OR8K1: variants seen among roughly 807,000 people sequenced by gnomAD.
OR8K1 encodes the protein olfactory receptor 8K1.
For missense variants in OR8K1, 417 were observed against 374.0 expected, an observed-to-expected ratio of 1.11 and a Z score of -0.95; for synonymous variants, 157 against 139.4, an observed-to-expected ratio of 1.13 and a Z score of -0.89.
In OR8K1 at chr11:56,346,195, A is replaced by G. The variant is rs377001778; in HGVS notation, c.157A>G (p.Ile53Val). The G allele has an allele frequency of 6.2e-7, 1 of 1,614,032 alleles. No homozygotes were observed. Among genetic ancestry groups the G allele is most frequent in the Non-Finnish European group, 8.5e-7 (1 of 1,179,972 alleles). The change falls in exon 1 of 1, where the codon ATC (isoleucine) becomes GTC (valine). Residue 53 changes from isoleucine to valine, a missense_variant. Physicochemically the swap from Ile to Val is conservative, Grantham distance 29. Transcript: ENST00000279783. Reference sequence around the variant, plus strand: ...AGTGATAGGCAATCTGGGCATGGTTATCTTGACCTACTTGGACTCCAAGCT... The same window carrying G: ...AGTGATAGGCAATCTGGGCATGGTTGTCTTGACCTACTTGGACTCCAAGCT... ...VTVIGNLGMV[I>V]LTYLDSKLHT...
chr11:56,346,175 T>A lies in OR8K1; in HGVS notation c.137T>A (p.Ile46Lys). The part of the protein sequence containing the change: ...LFLIIYLVTV[I>K]GNLGMVILTY... ...CTCATCATATATCTGGTCACAGTGA[T>A]AGGCAATCTGGGCATGGTTATCTTG... The change falls in exon 1 of 1, where the codon ATA (isoleucine) becomes AAA (lysine). Residue 46 changes from isoleucine (I) to lysine (K), a missense_variant. Ile to Lys is a moderately radical substitution (Grantham distance 102, BLOSUM62 -3). Transcript: ENST00000279783. The A allele has an allele frequency of 6.2e-7, 1 of 1,614,130 alleles. No homozygotes were observed. Among genetic ancestry groups the A allele is most frequent in the Non-Finnish European group, 8.5e-7 (1 of 1,180,012 alleles).
rs781092992 is a variant in OR8K1 at position 56,346,643 on chromosome 11, A to T, written c.605A>T (p.Glu202Val). Residue 202 changes from glutamate to valine, a missense_variant, in exon 1 of 1, where the codon GAA becomes GTA. Glu to Val is a moderately radical substitution (Grantham distance 121). Transcript: ENST00000279783. Reference sequence around the variant, plus strand: ...CTCTGTTCTGACACAAATGAATTAGAATTAATAATTTTGATCTTCTCAGGC... The same window carrying T: ...CTCTGTTCTGACACAAATGAATTAGTATTAATAATTTTGATCTTCTCAGGC... Reference protein sequence around the residue: ...SILCSDTNELELIILIFSGCN... With the variant: ...SILCSDTNELVLIILIFSGCN... 6 of 1,613,848 alleles carry T rather than the reference A, an allele frequency of 3.7e-6. No homozygotes were observed. The East Asian group carries it at 1.3e-4, about 36-fold the overall frequency.
chr11:56,346,765 GC>G lies in OR8K1; in HGVS notation c.729del (p.Phe244SerfsTer8), dbSNP rs1854841936. On this transcript the variant is annotated frameshift_variant, in exon 1 of 1. Coordinates refer to ENST00000279783, the MANE Select transcript of OR8K1 (RefSeq NM_001002907.1). LOFTEE classifies it low-confidence loss of function (END_TRUNC). Reference protein sequence around the residue: ...RMNSRKGRYKAFSTCSSHLTV... With the variant: ...RMNSRKGRYKXFSTCSSHLTV... ...GAACTCAAGGAAAGGGAGGTACAAA[GC>G]CTTCTCCACCTGTAGCTCTCATCTG... is the stretch of plus-strand genomic sequence containing the variant. 6.2e-7 allele frequency: 1 copy of G among 1,613,884 alleles called. No individual in the cohort carries two copies.
At position 56,346,165 on chromosome 11, in the gene OR8K1, G is replaced by T. The variant is rs748743069; in HGVS notation, c.127G>T (p.Val43Phe). The T allele has an allele frequency of 1.5e-5, 24 of 1,614,034 alleles. No homozygotes were observed. In the South Asian group the frequency reaches 2.6e-4, roughly 18 times the overall value. Residue 43 changes from valine (V) to phenylalanine (F), a missense_variant, in exon 1 of 1, where the codon GTC becomes TTC. Val to Phe is a conservative substitution (Grantham distance 50). Transcript: ENST00000279783. ...TGGACTCTTCCTCATCATATATCTG[G>T]TCACAGTGATAGGCAATCTGGGCAT... ...LFGLFLIIYL[V>F]TVIGNLGMVI...
At position 56,346,135 on chromosome 11, in the gene OR8K1, C is replaced by T. The variant is rs2134898261; in HGVS notation, c.97C>T (p.Leu33=). ...ITDNPGLQAP[L]FGLFLIIYLV... ...AGACAACCCTGGGCTGCAGGCTCCACTGTTTGGACTCTTCCTCATCATATA... is the reference window on the plus strand; with the variant it reads ...AGACAACCCTGGGCTGCAGGCTCCATTGTTTGGACTCTTCCTCATCATATA... The change falls in exon 1 of 1, where the codon CTG becomes TTG. Residue 33 remains leucine, a synonymous_variant. Transcript: ENST00000279783. 3 of 1,613,948 alleles carry T rather than the reference C, an allele frequency of 1.9e-6. No homozygotes were observed. The highest frequency in any genetic ancestry group is 2.5e-6 in the Non-Finnish European group (3 of 1,179,890).
chr11:56,346,386 T>C lies in OR8K1; in HGVS notation c.348T>C (p.Ser116=), dbSNP rs746377909. Residue 116 remains serine (S), a synonymous_variant, in exon 1 of 1, where the codon TCT becomes TCC. Coordinates refer to ENST00000279783, the MANE Select transcript of OR8K1 (RefSeq NM_001002907.1). ...QLAFFEIFII[S]ELFILSAMAY... is the part of the protein sequence containing the mutation. ...CATTCTTTGAGATTTTCATCATCTC[T>C]GAGCTCTTTATTCTATCAGCAATGG... 2 of 1,614,184 alleles carry C rather than the reference T, an allele frequency of 1.2e-6. No individual in the cohort carries two copies. Among genetic ancestry groups the C allele is most frequent in the Non-Finnish European group, 1.7e-6 (2 of 1,180,032 alleles).
Position 56,346,045 on chromosome 11 carries a change from CAT to C in OR8K1, c.8_9del (p.His3ArgfsTer14), listed in dbSNP as rs1565116491. 6.3e-7 allele frequency: 1 copy of C among 1,586,988 alleles called. No homozygotes were observed. Among genetic ancestry groups the C allele is most frequent in the Admixed American group, 1.8e-5 (1 of 56,480 alleles). ...AGTTTGCACAGTTACCAAGATGAAT[CAT>C]GTGGTAAAACACAATCACACGGCAG... MN[H>X]VVKHNHTAVT... On this transcript the variant is annotated frameshift_variant, in exon 1 of 1. Transcript: ENST00000279783. LOFTEE classifies it low-confidence loss of function (END_TRUNC).
At position 56,346,524 on chromosome 11, in the gene OR8K1, A is replaced by G; in HGVS notation, c.486A>G (p.Ser162=). 6.2e-7 allele frequency: 1 copy of G among 1,614,078 alleles called. No homozygotes were observed. The highest frequency in any genetic ancestry group is 8.5e-7 in the Non-Finnish European group (1 of 1,180,016). The change falls in exon 1 of 1, where the codon TCA becomes TCG. Residue 162 remains serine, a synonymous_variant. Coordinates refer to ENST00000279783, the MANE Select transcript of OR8K1 (RefSeq NM_001002907.1). ...CCTATCTCTATAGCACGTTTGTGTC[A>G]CTATTTCTCACAATTAAGTTATTTA... ...IVPYLYSTFV[S]LFLTIKLFKL... is the part of the protein sequence containing the mutation.
chr11:56,346,310 T>A lies in OR8K1; in HGVS notation c.272T>A (p.Phe91Tyr). ...ATTGCCCCGAAGATGTTAGTAAACT[T>A]CATAGTGCACAAAAACACAATTTCT... The part of the protein sequence containing the change: ...TVIAPKMLVN[F>Y]IVHKNTISYN... The change falls in exon 1 of 1, where the codon TTC becomes TAC. Residue 91 changes from phenylalanine (F) to tyrosine (Y), a missense_variant. Phe to Tyr is a conservative substitution (Grantham distance 22). Transcript: ENST00000279783. The A allele has an allele frequency of 6.2e-7, 1 of 1,614,150 alleles. No homozygotes were observed. The highest frequency in any genetic ancestry group is 8.5e-7 in the Non-Finnish European group (1 of 1,180,012).
chr11:56,346,782 C>G lies in OR8K1; in HGVS notation c.744C>G (p.Ser248Arg). 6.2e-7 allele frequency: 1 copy of G among 1,613,902 alleles called. No homozygotes were observed. Among genetic ancestry groups the G allele is most frequent in the Non-Finnish European group, 8.5e-7 (1 of 1,179,830 alleles). Residue 248 changes from serine (S) to arginine (R), a missense_variant, in exon 1 of 1, where the codon AGC becomes AGG. Coordinates refer to ENST00000279783, the MANE Select transcript of OR8K1 (RefSeq NM_001002907.1). ...GGTACAAAGCCTTCTCCACCTGTAG[C>G]TCTCATCTGACAGTGGTGATCATGT... ...KGRYKAFSTC[S>R]SHLTVVIMFY...
Position 56,346,581 on chromosome 11 carries a change from C to G in OR8K1, c.543C>G (p.Ser181Arg), listed in dbSNP as rs748269286. The G allele has an allele frequency of 6.2e-7, 1 of 1,613,302 alleles. No individual in the cohort carries two copies. Among genetic ancestry groups the G allele is most frequent in the Non-Finnish European group, 8.5e-7 (1 of 1,179,338 alleles). ...CCTTCTGTGGCTCAAACATAATCAG[C>G]TATTTTTACTGTGACTGTATCCCTC... ...KLSFCGSNII[S>R]YFYCDCIPLM... Residue 181 changes from serine (S) to arginine (R), a missense_variant, in exon 1 of 1, where the codon AGC (serine) becomes AGG (arginine). Ser to Arg is a moderately radical substitution (Grantham distance 110, BLOSUM62 -1). Coordinates refer to ENST00000279783, the MANE Select transcript of OR8K1 (RefSeq NM_001002907.1).
Position 56,346,528 on chromosome 11 carries a change from T to C in OR8K1, c.490T>C (p.Phe164Leu). Reference sequence around the variant, plus strand: ...TCTCTATAGCACGTTTGTGTCACTATTTCTCACAATTAAGTTATTTAAACT... The same window carrying C: ...TCTCTATAGCACGTTTGTGTCACTACTTCTCACAATTAAGTTATTTAAACT... ...PYLYSTFVSL[F>L]LTIKLFKLSF... The change falls in exon 1 of 1, where the codon TTT (phenylalanine) becomes CTT (leucine). Residue 164 changes from phenylalanine to leucine, a missense_variant. Physicochemically the swap from Phe to Leu is conservative, Grantham distance 22. Coordinates refer to ENST00000279783, the MANE Select transcript of OR8K1 (RefSeq NM_001002907.1). The C allele has an allele frequency of 6.2e-7, 1 of 1,614,148 alleles. No individual in the cohort carries two copies. The highest frequency in any genetic ancestry group is 8.5e-7 in the Non-Finnish European group (1 of 1,180,028).
At position 56,346,964 on chromosome 11, in the gene OR8K1, G is replaced by A. The variant is rs1384777700; in HGVS notation, c.926G>A (p.Arg309Lys). 3 of 1,601,606 alleles carry A rather than the reference G, an allele frequency of 1.9e-6. No individual in the cohort carries two copies. Among genetic ancestry groups the A allele is most frequent in the South Asian group, 1.1e-5 (1 of 89,214 alleles). Reference sequence around the variant, plus strand: ...AAAGAAGTAAAAGATGCTCTAAAGAGAACTTTAACCAATCGATTCAAAATT... The same window carrying A: ...AAAGAAGTAAAAGATGCTCTAAAGAAAACTTTAACCAATCGATTCAAAATT... ...RNKEVKDALK[R>K]TLTNRFKIPI Residue 309 changes from arginine to lysine, a missense_variant, in exon 1 of 1, where the codon AGA becomes AAA. Coordinates refer to ENST00000279783, the MANE Select transcript of OR8K1 (RefSeq NM_001002907.1).
chr11:56,346,954 G>A lies in OR8K1; in HGVS notation c.916G>A (p.Ala306Thr). ...YSLRNKEVKD[A>T]LKRTLTNRFK... The stretch of plus-strand genomic sequence containing the variant: ...CCTAAGGAACAAAGAAGTAAAAGAT[G>A]CTCTAAAGAGAACTTTAACCAATCG... Residue 306 changes from alanine (A) to threonine (T), a missense_variant, in exon 1 of 1, where the codon GCT becomes ACT. Transcript: ENST00000279783. The A allele has an allele frequency of 6.2e-7, 1 of 1,605,564 alleles. No homozygotes were observed. The highest frequency in any genetic ancestry group is 8.5e-7 in the Non-Finnish European group (1 of 1,175,902).
Position 56,346,475 on chromosome 11 carries a change from T to A in OR8K1, c.437T>A (p.Val146Glu), listed in dbSNP as rs747137806. 6.2e-7 allele frequency: 1 copy of A among 1,614,100 alleles called. No individual in the cohort carries two copies. Among genetic ancestry groups the A allele is most frequent in the South Asian group, 1.1e-5 (1 of 91,082 alleles). ...LLYVIIMAEKVLWVLVIVPYL... is the reference protein window; with the variant it reads ...LLYVIIMAEKELWVLVIVPYL... ...TACGTGATCATCATGGCAGAGAAAG[T>A]ACTTTGGGTGCTGGTAATTGTTCCC... The change falls in exon 1 of 1, where the codon GTA becomes GAA. Residue 146 changes from valine (V) to glutamate (E), a missense_variant. Physicochemically the swap from Val to Glu is moderately radical, Grantham distance 121. Transcript: ENST00000279783.
chr11:56,346,743 C>T lies in OR8K1; in HGVS notation c.705C>T (p.Asn235=). The change falls in exon 1 of 1, where the codon AAC becomes AAT. Residue 235 remains asparagine (N), a synonymous_variant. Coordinates refer to ENST00000279783, the MANE Select transcript of OR8K1 (RefSeq NM_001002907.1). The part of the protein sequence containing the change: ...MFILVAILRM[N]SRKGRYKAFS... ...TTCTAGTGGCCATTCTCAGAATGAACTCAAGGAAAGGGAGGTACAAAGCCT... is the reference window on the plus strand; with the variant it reads ...TTCTAGTGGCCATTCTCAGAATGAATTCAAGGAAAGGGAGGTACAAAGCCT... 6.2e-7 allele frequency: 1 copy of T among 1,613,954 alleles called. No homozygotes were observed. The highest frequency in any genetic ancestry group is 8.5e-7 in the Non-Finnish European group (1 of 1,179,924).
rs760288294 is a variant in OR8K1, at chr11:56,346,703, T to C, written c.665T>C (p.Ile222Thr). The change falls in exon 1 of 1, where the codon ATA (isoleucine) becomes ACA (threonine). Residue 222 changes from isoleucine to threonine, a missense_variant. Ile to Thr is a moderately conservative substitution (Grantham distance 89). Transcript: ENST00000279783. ...NLLFSLSIVL[I>T]SYMFILVAIL... ...CTCTTCTCCCTCTCAATTGTTCTCA[T>C]ATCCTACATGTTTATTCTAGTGGCC... is the stretch of plus-strand genomic sequence containing the variant. 24 of 1,613,650 alleles carry C rather than the reference T, an allele frequency of 1.5e-5. No individual in the cohort carries two copies. Among genetic ancestry groups the C allele is most frequent in the Non-Finnish European group, 1.9e-5 (23 of 1,179,696 alleles).
Position 56,346,772 on chromosome 11 carries a change from C to G in OR8K1, c.734C>G (p.Ser245Cys), listed in dbSNP as rs759929850. Residue 245 changes from serine to cysteine, a missense_variant, in exon 1 of 1, where the codon TCC becomes TGC. By Grantham distance (112) the Ser-to-Cys change is moderately radical. Transcript: ENST00000279783. Reference sequence around the variant, plus strand: ...AGGAAAGGGAGGTACAAAGCCTTCTCCACCTGTAGCTCTCATCTGACAGTG... The same window carrying G: ...AGGAAAGGGAGGTACAAAGCCTTCTGCACCTGTAGCTCTCATCTGACAGTG... The part of the protein sequence containing the change: ...NSRKGRYKAF[S>C]TCSSHLTVVI... The G allele has an allele frequency of 2.5e-6, 4 of 1,613,994 alleles. No homozygotes were observed. Among genetic ancestry groups the G allele is most frequent in the Non-Finnish European group, 3.4e-6 (4 of 1,179,916 alleles).
Position 56,346,774 on chromosome 11 carries a change from A to G in OR8K1, c.736A>G (p.Thr246Ala), listed in dbSNP as rs1854842042. 1.9e-6 allele frequency: 3 copies of G among 1,613,806 alleles called. No homozygotes were observed. Among genetic ancestry groups the G allele is most frequent in the Non-Finnish European group, 2.5e-6 (3 of 1,179,928 alleles). The change falls in exon 1 of 1, where the codon ACC (threonine) becomes GCC (alanine). Residue 246 changes from threonine to alanine, a missense_variant. Coordinates refer to ENST00000279783, the MANE Select transcript of OR8K1 (RefSeq NM_001002907.1). ...SRKGRYKAFS[T>A]CSSHLTVVIM... is the part of the protein sequence containing the mutation. ...GAAAGGGAGGTACAAAGCCTTCTCCACCTGTAGCTCTCATCTGACAGTGGT... is the reference window on the plus strand; with the variant it reads ...GAAAGGGAGGTACAAAGCCTTCTCCGCCTGTAGCTCTCATCTGACAGTGGT...
Sources: allele counts gnomAD v4.1 joint callset, GRCh38; gene constraint gnomAD v4.1.1; transcripts MANE v1.5; gene names NCBI Gene and HGNC (gene_info 2026-07-23, HGNC 2026-07-21).